The following CPVL variants were observed in gnomAD, a reference collection of about 807,000 sequenced individuals.
CPVL encodes carboxypeptidase vitellogenic like, also known as probable serine carboxypeptidase CPVL.
Under a neutral mutation model 63.7 loss-of-function variants are expected in CPVL, and 51 were observed. The observed-to-expected ratio is 0.80, with a 90% CI of 0.64 to 1.01. The LOEUF (loss-of-function observed/expected upper bound fraction) is 1.01, where lower values mean the gene tolerates loss of function less well. Ranked by LOEUF, CPVL falls within the 50% of genes least tolerant of loss-of-function variation. The pLI, the probability that CPVL is intolerant of heterozygous loss-of-function variation, is 0.00. For synonymous variants in CPVL, 195 were observed against 206.0 expected (o/e 0.95, Z 0.46); for missense variants, 530 against 573.1 (o/e 0.92, Z 0.77).
chr7:29,121,138 C>T lies in CPVL; in HGVS notation c.-10-67G>A, dbSNP rs1023078999. The T allele has an allele frequency of 5.1e-6, 7 of 1,385,056 alleles. No individual in the cohort carries two copies. The African/African-American group carries it at 8.9e-5, about 18-fold the overall frequency. 85.8% of individuals were successfully genotyped at this position (1,385,056 alleles called of 1,614,324 possible). The stretch of plus-strand genomic sequence containing the variant: ...AATATTTACCTGGCCCTTTTACATG[C>T]AAGAAATTCATTTATTCACTTAAAA... On this transcript the variant is annotated intron_variant, in intron 1 of 12. Coordinates refer to ENST00000265394, the MANE Select transcript of CPVL (RefSeq NM_031311.5).
upstream of CPVL, chr7:29,146,633 T>C (rs1202455793): frequency 6.4e-7 from 1 of 1,550,534 alleles, no homozygotes. Context: ...CCCAACCTCC[T>C]GGTCCCAGAA....
chr7:29,000,433 T>G (rs1784506907), intron 12 of CPVL, among the ~76,000 whole-genome samples: 1 of 151,116 alleles, frequency 6.6e-6, no homozygotes. Flanking sequence ...GGCGTGGAAA[T>G]GCAGGAGGCA....
intron 8 of CPVL, 21 bp from the exon 9 acceptor site, chr7:29,071,925 C>A: frequency 6.2e-7 from 1 of 1,613,556 alleles, no homozygotes; most frequent in Non-Finnish European, 8.5e-7. Flanking sequence ...AAAAGACACA[C>A]ATCAATGTGA....
intron 2 of CPVL, among the ~76,000 whole-genome samples, chr7:29,186,189 G>C (rs531808968): frequency 6.6e-6 from 1 of 152,068 alleles, no homozygotes. Context: ...GGGCCCTTGG[G>C]GTCAGGAGTA....
chr7:29,047,347 C>A (rs373869586), intron 11 of CPVL, among the ~76,000 whole-genome samples: 1 of 152,050 alleles, frequency 6.6e-6, no homozygotes, highest in South Asian at 2.1e-4. Context: ...GAAAAAACAT[C>A]AAAACTTTGG....
chr7:29,087,233 A>G (rs147701080), intron 6 of CPVL, among the ~76,000 whole-genome samples: 1,900 of 151,992 alleles, frequency 0.013, 21 homozygotes, highest in Non-Finnish European at 0.015. Flanking sequence ...AGACCAGCCT[A>G]GCCAACATAG....
chr7:29,131,969 T>G (rs964381402), intron 1 of CPVL, among the ~76,000 whole-genome samples: 1 of 152,174 alleles, frequency 6.6e-6, no homozygotes, highest in African/African-American at 2.4e-5. Context: ...AATATATCCT[T>G]AGCTCATACA....
At chr7:29,162,262 T>C (rs1226506810) in intron 5 of CPVL, among the ~76,000 whole-genome samples, 1 of 152,134 alleles carries the variant, frequency 6.6e-6, no homozygotes, top group African/African-American at 2.4e-5. Flanking sequence ...ACCCAAATGC[T>C]CTTCAAAAGG....
chr7:29,032,641 T>A (rs1418268665), intron 11 of CPVL, among the ~76,000 whole-genome samples: 1 of 152,164 alleles, frequency 6.6e-6, no homozygotes. Flanking sequence ...GCAAAGATCA[T>A]CAAGCATAAA....
chr7:29,040,626 G>A (rs772327184), intron 11 of CPVL, among the ~76,000 whole-genome samples: 9 of 152,108 alleles, frequency 5.9e-5, no homozygotes, highest in Non-Finnish European at 1.2e-4. Flanking sequence ...TTGCTTTCAC[G>A]TTTTAAGGAA....
At chr7:29,058,645 G>C (rs2128180906) in intron 11 of CPVL, among the ~76,000 whole-genome samples, 1 of 152,112 alleles carries the variant, frequency 6.6e-6, no homozygotes, top group South Asian at 2.1e-4. Flanking sequence ...TCACTTTTGA[G>C]GAATACTTTT....
chr7:29,063,057 A>G (rs1005660145), intron 11 of CPVL, among the ~76,000 whole-genome samples: 1 of 152,074 alleles, frequency 6.6e-6, no homozygotes, highest in African/African-American at 2.4e-5. Context: ...AAGAAATAAT[A>G]CACAGGCTGA....
intron 11 of CPVL, among the ~76,000 whole-genome samples, chr7:29,052,440 CAAA>C (rs57693166): frequency 1.2e-3 from 143 of 118,228 alleles, no homozygotes; most frequent in Middle Eastern, 4.5e-3. Flanking sequence ...GATTCAGTTC[CAAA>C]AAAAAAAAAA....
intron 1 of CPVL, among the ~76,000 whole-genome samples, chr7:29,141,505 G>A (rs924072407): frequency 2.4e-4 from 37 of 151,924 alleles, no homozygotes; most frequent in Admixed American, 1.4e-3. Flanking sequence ...AGCCAAGATC[G>A]CCCCACTGCA....
intron 11 of CPVL, among the ~76,000 whole-genome samples, chr7:29,046,640 T>A (rs566995408): frequency 6.4e-4 from 97 of 151,982 alleles, no homozygotes; most frequent in Middle Eastern, 6.8e-3. Context: ...ATTTTTTTTT[T>A]AAGCAAGGCA....
At chr7:29,171,188 G>T (rs1006990053) in intron 5 of CPVL, among the ~76,000 whole-genome samples, 1 of 152,200 alleles carries the variant, frequency 6.6e-6, no homozygotes. Context: ...GCTTACATAC[G>T]CACTGCTCTT....
intron 12 of CPVL, chr7:29,011,814 T>C (rs1785868553): frequency 6.6e-6 from 1 of 152,342 alleles, no homozygotes; most frequent in South Asian, 2.1e-4. Flanking sequence ...ATTTTAGTGA[T>C]AAGGATAAAA....
chr7:29,044,234 T>C (rs1417270305), intron 11 of CPVL, among the ~76,000 whole-genome samples: 2 of 152,056 alleles, frequency 1.3e-5, no homozygotes, highest in African/African-American at 4.8e-5. Flanking sequence ...CTGGTCAACA[T>C]GGCAAAATCC....
chr7:29,017,988 A>G (rs573111852), intron 12 of CPVL, among the ~76,000 whole-genome samples: 3 of 152,366 alleles, frequency 2.0e-5, no homozygotes, highest in Non-Finnish European at 4.4e-5. Flanking sequence ...CATTCCAGCC[A>G]TTAAATACAA....
Sources: allele counts gnomAD v4.1 joint callset (sites outside exome capture counted in the v4.1 genomes callset), GRCh38; gene constraint gnomAD v4.1.1; transcripts MANE v1.5; gene names NCBI Gene and HGNC (gene_info 2026-07-23, HGNC 2026-07-21).